The following MAP2 variants were observed in gnomAD, a reference collection of about 807,000 sequenced individuals.
MAP2 encodes microtubule associated protein 2, also known as microtubule-associated protein 2.
MAP2 carries 14 observed loss-of-function variants against 137.6 expected under a neutral mutation model. The observed-to-expected ratio is 0.10, with a 90% CI of 0.07 to 0.16. MAP2 has a LOEUF of 0.16. Ranked by LOEUF, MAP2 falls within the 10% of genes least tolerant of loss-of-function variation. The probability of loss-of-function intolerance (pLI) is 1.00; values close to 1 mark genes in which losing one functional copy is unlikely to be tolerated. For missense variants in MAP2, 2,088 were observed against 2,191.5 expected (o/e 0.95, Z 0.94); for synonymous variants, 786 against 782.3 (o/e 1.00, Z -0.08).
At chr2:209,509,263 A>C (rs932688274) in intron 2 of MAP2, among the ~76,000 whole-genome samples, 1 of 152,022 alleles carries the variant, frequency 6.6e-6, no homozygotes, top group Non-Finnish European at 1.5e-5. Flanking sequence ...ACAGTAACGC[A>C]CAAAAATTTT....
At chr2:209,459,423 C>G (rs945171382) in intron 1 of MAP2, among the ~76,000 whole-genome samples, 1 of 152,024 alleles carries the variant, frequency 6.6e-6, no homozygotes, top group Non-Finnish European at 1.5e-5. Context: ...TAACTGGGAC[C>G]ACTAGATACC....
intron 5 of MAP2, 26 bp from the exon 6 acceptor site, chr2:209,678,546 T>C: frequency 8.2e-7 from 1 of 1,217,276 alleles, no homozygotes; most frequent in Non-Finnish European, 1.2e-6. Context: ...CATCGTTATA[T>C]TTTATTTTGT....
At chr2:209,593,392 T>C (rs1019907766) in intron 3 of MAP2, among the ~76,000 whole-genome samples, 3 of 150,488 alleles carry the variant, frequency 2.0e-5, no homozygotes, top group Non-Finnish European at 3.0e-5. Flanking sequence ...GGATCATAGG[T>C]CGCTGTTGTA....
chr2:209,644,141 A>G (rs950156265), intron 4 of MAP2, among the ~76,000 whole-genome samples: 4 of 152,186 alleles, frequency 2.6e-5, no homozygotes, highest in Admixed American at 2.6e-4. Flanking sequence ...ATTGACTGAA[A>G]ACACTGTAAG....
chr2:209,696,666 A>G lies in MAP2; in HGVS notation c.4305A>G (p.Arg1435=). 6.2e-7 allele frequency: 1 copy of G among 1,613,940 alleles called. No homozygotes were observed. The highest frequency in any genetic ancestry group is 8.5e-7 in the Non-Finnish European group (1 of 1,179,886). ...AAGAAAAGCCTTTTAAAACCGGGAG[A>G]GGCAGAATTTCCACTCCTGAAAGAA... ...HRKEKPFKTG[R]GRISTPERKV... Residue 1435 remains arginine, a synonymous_variant, in exon 9 of 16, where the codon AGA becomes AGG. Coordinates refer to ENST00000682079, the MANE Select transcript of MAP2 (RefSeq NM_001375505.1).
chr2:209,676,054 C>T (rs1399489079), intron 5 of MAP2, among the ~76,000 whole-genome samples: 5 of 151,792 alleles, frequency 3.3e-5, no homozygotes, highest in Admixed American at 2.6e-4. Flanking sequence ...GTTAAGCATC[C>T]AATCTGAGTA....
intron 2 of MAP2, among the ~76,000 whole-genome samples, chr2:209,517,864 T>A (rs894991607): frequency 5.3e-5 from 5 of 93,512 alleles, no homozygotes; most frequent in African/African-American, 3.6e-4. Flanking sequence ...CCAAACAGAT[T>A]TTTTTTTTAA....
chr2:209,493,737 C>T (rs2059409029), intron 1 of MAP2, among the ~76,000 whole-genome samples: 1 of 152,184 alleles, frequency 6.6e-6, no homozygotes, highest in African/African-American at 2.4e-5. Context: ...AATGAGATAC[C>T]ATCTCATGCC....
intron 5 of MAP2, among the ~76,000 whole-genome samples, chr2:209,655,921 T>G (rs2095111955): frequency 6.6e-6 from 1 of 152,194 alleles, no homozygotes; most frequent in Non-Finnish European, 1.5e-5. Context: ...TTTGCTATAG[T>G]CCCCTCTTTG....
intron 3 of MAP2, among the ~76,000 whole-genome samples, chr2:209,597,571 A>C (rs1306292317): frequency 6.6e-6 from 1 of 152,170 alleles, no homozygotes; most frequent in Non-Finnish European, 1.5e-5. Flanking sequence ...GTTTCTCAGA[A>C]TACAATCTAA....
intron 1 of MAP2, among the ~76,000 whole-genome samples, chr2:209,430,134 T>C (rs956504375): frequency 4.0e-5 from 6 of 150,636 alleles, no homozygotes; most frequent in Admixed American, 6.7e-5. Context: ...GTTTTTAGGA[T>C]TCAGTTATTC....
chr2:209,693,424 G>A lies in MAP2; in HGVS notation c.1254G>A (p.Glu418=), dbSNP rs1559576574. The A allele has an allele frequency of 6.2e-7, 1 of 1,613,848 alleles. No homozygotes were observed. The highest frequency in any genetic ancestry group is 8.5e-7 in the Non-Finnish European group (1 of 1,179,972). The change falls in exon 8 of 16, where the codon GAG becomes GAA. Residue 418 remains glutamate, a synonymous_variant. Coordinates refer to ENST00000682079, the MANE Select transcript of MAP2 (RefSeq NM_001375505.1). ...LEEEKEAINQ[E]TVQQRDTFTP... ...AAGAAAAGGAGGCCATAAATCAAGA[G>A]ACTGTGCAGCAAAGGGATACTTTCA...
chr2:209,631,005 CAAAA>C (rs776266690), intron 4 of MAP2, among the ~76,000 whole-genome samples: 43 of 42,104 alleles, frequency 1.0e-3, no homozygotes, highest in African/African-American at 1.4e-3. Flanking sequence ...GAGCTACAAG[CAAAA>C]AAAAAAAAAA....
intron 11 of MAP2, chr2:209,704,105 GT>G: frequency 2.2e-6 from 1 of 451,374 alleles, no homozygotes; most frequent in Non-Finnish European, 4.4e-6. Flanking sequence ...CCAATAGGAA[GT>G]TTTTCAATCC....
chr2:209,506,061 G>GT (rs1186720723), intron 1 of MAP2, among the ~76,000 whole-genome samples: 35 of 152,184 alleles, frequency 2.3e-4, no homozygotes, highest in Admixed American at 9.2e-4. Flanking sequence ...CAGTTAGAGA[G>GT]TTGTTGGCTT....
At chr2:209,546,439 C>G (rs2068082634) in intron 2 of MAP2, among the ~76,000 whole-genome samples, 1 of 152,132 alleles carries the variant, frequency 6.6e-6, no homozygotes, top group Non-Finnish European at 1.5e-5. Context: ...TCAATATTGT[C>G]ATAGAGATAA....
chr2:209,577,955 A>C (rs1197965209), intron 2 of MAP2, among the ~76,000 whole-genome samples: 3 of 152,342 alleles, frequency 2.0e-5, no homozygotes, highest in Admixed American at 6.5e-5. Context: ...GAATGATTGC[A>C]ATGCATTTTA....
chr2:209,657,280 G>C (rs1471842422), intron 5 of MAP2, among the ~76,000 whole-genome samples: 1 of 152,116 alleles, frequency 6.6e-6, no homozygotes, highest in Non-Finnish European at 1.5e-5. Flanking sequence ...ATTTTCCATT[G>C]GGTAGATACC....
chr2:209,499,261 G>A (rs1488132230), intron 1 of MAP2, among the ~76,000 whole-genome samples: 1 of 152,072 alleles, frequency 6.6e-6, no homozygotes, highest in Non-Finnish European at 1.5e-5. Context: ...ACACAATCCA[G>A]CCAAGCTCTT....
Sources: allele counts gnomAD v4.1 joint callset (sites outside exome capture counted in the v4.1 genomes callset), GRCh38; gene constraint gnomAD v4.1.1; transcripts MANE v1.5; gene names NCBI Gene and HGNC (gene_info 2026-07-23, HGNC 2026-07-21).